UBE3A: variants seen among roughly 807,000 people sequenced by gnomAD.
The protein encoded by UBE3A is ubiquitin protein ligase E3A.
UBE3A carries 6 observed loss-of-function variants against 83.4 expected under a neutral mutation model. That is an observed-to-expected ratio of 0.07 (90% CI 0.04 to 0.14). The LOEUF (loss-of-function observed/expected upper bound fraction) is 0.14, where lower values mean the gene tolerates loss of function less well. Ranked by LOEUF, UBE3A falls within the 10% of genes least tolerant of loss-of-function variation. The pLI, the probability that UBE3A is intolerant of heterozygous loss-of-function variation, is 1.00. For synonymous variants in UBE3A, 337 were observed against 355.4 expected (o/e 0.95, Z 0.58); for missense variants, 456 against 1,036.1 (o/e 0.44, Z 7.69).
intron 6 of UBE3A, 58 bp from the exon 7 acceptor site, chr15:25,360,585 C>T: frequency 6.3e-7 from 1 of 1,580,066 alleles, no homozygotes; most frequent in East Asian, 2.3e-5. Flanking sequence ...AGGAAAAAAA[C>T]AAAATAAAAA....
At chr15:25,396,068 G>A (rs889064733) in intron 4 of UBE3A, among the ~76,000 whole-genome samples, 1 of 151,990 alleles carries the variant, frequency 6.6e-6, no homozygotes, top group African/African-American at 2.4e-5. Flanking sequence ...CAGGCATGGT[G>A]GCACATGCCT....
intron 4 of UBE3A, among the ~76,000 whole-genome samples, chr15:25,392,154 A>G (rs1295754358): frequency 4.6e-5 from 7 of 152,218 alleles, no homozygotes; most frequent in Admixed American, 4.6e-4. Context: ...ATAACGTTCC[A>G]TGTGGGAAAA....
chr15:25,347,652 A>C (rs2075890507), intron 11 of UBE3A, among the ~76,000 whole-genome samples: 1 of 152,200 alleles, frequency 6.6e-6, no homozygotes, highest in Non-Finnish European at 1.5e-5. Context: ...GTGAGCTGAG[A>C]TTGTGCCACT....
intron 5 of UBE3A, chr15:25,375,117 C>G: frequency 4.1e-6 from 1 of 246,530 alleles, no homozygotes; most frequent in East Asian, 1.1e-4. Context: ...TCCTGAGGTT[C>G]CAGAACTCAT....
intron 7 of UBE3A, among the ~76,000 whole-genome samples, chr15:25,357,137 TAATTTGGTGGCATCGGGTAGAAAAA>T (rs2077327786): frequency 3.3e-5 from 5 of 152,142 alleles, no homozygotes; most frequent in African/African-American, 1.2e-4. Flanking sequence ...AAGTAGTAAG[TAATTTGGTGGCATCGGGTAGAAAAA>T]TACGTTAATT....
intron 6 of UBE3A, among the ~76,000 whole-genome samples, chr15:25,366,647 A>C (rs1015599825): frequency 4.6e-5 from 7 of 152,186 alleles, no homozygotes; most frequent in Admixed American, 2.6e-4. Flanking sequence ...CATCATCATC[A>C]TCCTCTATTC....
chr15:25,408,145 G>C (rs1213775499), intron 3 of UBE3A: 1 of 156,624 alleles, frequency 6.4e-6, no homozygotes, highest in Non-Finnish European at 1.4e-5. Context: ...CTTGAGCCCA[G>C]AAGGTCAAAG....
Position 25,334,857 on chromosome 15 carries a change from T to C in UBE3A, c.*4280A>G, listed in dbSNP as rs556729101. On this transcript the variant is annotated 3_prime_UTR_variant, in exon 13 of 13. Coordinates refer to ENST00000648336, the MANE Select transcript of UBE3A (RefSeq NM_130839.5). The stretch of plus-strand genomic sequence containing the variant: ...ATGGATATACAGATACCAATGCACT[T>C]ATGCAAAAAATGGATGAAATAGGAA... 4.7e-4 allele frequency: 71 copies of C among 152,294 alleles called. No homozygotes were observed. Among genetic ancestry groups the C allele is most frequent in the African/African-American group, 1.7e-3 (69 of 41,560 alleles). 9.4% of individuals were successfully genotyped at this position (152,294 alleles called of 1,614,324 possible). A position where few individuals can be genotyped will look rare whatever the true frequency, so the allele number is the denominator to read the frequency against.
At chr15:25,412,709 G>C (rs1466021129) in intron 1 of UBE3A, among the ~76,000 whole-genome samples, 1 of 150,046 alleles carries the variant, frequency 6.7e-6, no homozygotes, top group Non-Finnish European at 1.5e-5. Flanking sequence ...TATAAAGAAA[G>C]CAAATCTCAA....
intron 5 of UBE3A, among the ~76,000 whole-genome samples, chr15:25,373,127 G>C (rs1200263425): frequency 6.6e-6 from 1 of 152,086 alleles, no homozygotes; most frequent in Non-Finnish European, 1.5e-5. Context: ...CTAAACATCA[G>C]TAACCTCTTC....
In UBE3A at chr15:25,335,837, A is replaced by AG. The variant is rs1194731352; in HGVS notation, c.*3299dup. ...AGGTAAGGACTTTAAGCAGAATTGG[A>AG]GGAGTATCCATCTAAAATCTGGGTA... On this transcript the variant is annotated 3_prime_UTR_variant, in exon 13 of 13. Coordinates refer to ENST00000648336, the MANE Select transcript of UBE3A (RefSeq NM_130839.5). 6.6e-6 allele frequency: 1 copy of AG among 152,180 alleles called. No homozygotes were observed. The highest frequency in any genetic ancestry group is 1.5e-5 in the Non-Finnish European group (1 of 68,044). The allele number at this position is 152,180 out of a possible 1,614,324, so 9.4% of individuals were successfully genotyped here.
rs551434831 is a variant in UBE3A at position 25,361,350 on chromosome 15, T to G, written c.1609-823A>C. Among the ~76,000 whole-genome samples, 5 of 152,182 alleles carry G rather than the reference T, an allele frequency of 3.3e-5. No individual in the cohort carries two copies. In the East Asian group the frequency reaches 9.7e-4, roughly 29 times the overall value. On this transcript the variant is annotated intron_variant, in intron 6 of 12. Coordinates refer to ENST00000648336, the MANE Select transcript of UBE3A (RefSeq NM_130839.5). The stretch of plus-strand genomic sequence containing the variant: ...TACGTTTGCCAGGATGGTCTTGAAC[T>G]CCTGACCTCATGATCCGCCCACCTC...
At chr15:25,408,425 C>T (rs1025312747) in intron 3 of UBE3A, 8 of 736,244 alleles carry the variant, frequency 1.1e-5, no homozygotes, top group South Asian at 1.7e-5. Flanking sequence ...CTTAGGTTAT[C>T]CTAAAGTGTG....
At chr15:25,437,044 A>G (rs1895310522) in intron 1 of UBE3A, among the ~76,000 whole-genome samples, 1 of 152,230 alleles carries the variant, frequency 6.6e-6, no homozygotes, top group Non-Finnish European at 1.5e-5. Flanking sequence ...ATAAATACAC[A>G]AAGATTGAAA....
chr15:25,340,275 G>C (rs752005918), intron 11 of UBE3A, 47 bp from the exon 12 acceptor site: 1 of 1,584,092 alleles, frequency 6.3e-7, no homozygotes, highest in South Asian at 1.1e-5. Context: ...CATTCATTAT[G>C]ACTGGTACTA....
At chr15:25,396,276 C>T (rs1042978964) in intron 4 of UBE3A, among the ~76,000 whole-genome samples, 1 of 151,828 alleles carries the variant, frequency 6.6e-6, no homozygotes, top group South Asian at 2.1e-4. Flanking sequence ...TTAATACATA[C>T]AAAGAGATTC....
intron 3 of UBE3A, chr15:25,407,005 A>C (rs2153058937): frequency 8.3e-7 from 1 of 1,211,366 alleles, no homozygotes. Flanking sequence ...CTGTGACACA[A>C]ATGCAAAAAT....
Position 25,371,850 on chromosome 15 carries a change from A to T in UBE3A, c.362-38T>A. 1 of 1,581,230 alleles carries T rather than the reference A, an allele frequency of 6.3e-7. No individual in the cohort carries two copies. The highest frequency in any genetic ancestry group is 8.6e-7 in the Non-Finnish European group (1 of 1,167,422). ...AGGAAAAAAGAGAACATTTATTTTCATAATATGTATGTTTACTCTGTTGCA... is the reference window on the plus strand; with the variant it reads ...AGGAAAAAAGAGAACATTTATTTTCTTAATATGTATGTTTACTCTGTTGCA... On this transcript the variant is annotated intron_variant, in intron 5 of 12. Transcript: ENST00000648336. The surrounding 1 kb of genome is among the most constrained non-coding windows in gnomAD (Gnocchi z 5.3).
At chr15:25,353,948 A>AAGACT (rs2076879458) in intron 11 of UBE3A, 1 of 242,432 alleles carries the variant, frequency 4.1e-6, no homozygotes, top group Non-Finnish European at 8.1e-6. Flanking sequence ...AATTAAATAA[A>AAGACT]AGACTACCAT....
Sources: allele counts gnomAD v4.1 joint callset (sites outside exome capture counted in the v4.1 genomes callset), GRCh38; gene constraint gnomAD v4.1.1; non-coding constraint Gnocchi (gnomAD v3.1); transcripts MANE v1.5; gene names NCBI Gene and HGNC (gene_info 2026-07-23, HGNC 2026-07-21).